The following TMEM116 variants were observed in gnomAD, a reference collection of about 807,000 sequenced individuals.
TMEM116 encodes transmembrane protein 116.
TMEM116 carries 38 observed loss-of-function variants against 44.3 expected under a neutral mutation model. The ratio of observed to expected loss-of-function variants is 0.86; its 90% CI spans 0.66 to 1.12. The LOEUF (loss-of-function observed/expected upper bound fraction) is 1.12, where lower values mean the gene tolerates loss of function less well. Ranked by LOEUF, TMEM116 falls within the 50% of genes most tolerant of loss-of-function variation. The probability of loss-of-function intolerance (pLI) is 0.00; values close to 1 mark genes in which losing one functional copy is unlikely to be tolerated. For synonymous variants in TMEM116, 132 were observed against 144.8 expected, an observed-to-expected ratio of 0.91 and a Z score of 0.64; for missense variants, 354 against 401.7, an observed-to-expected ratio of 0.88 and a Z score of 1.01.
At chr12:111,978,793 A>C (rs1428606293) in intron 4 of TMEM116, 1 of 437,762 alleles carries the variant, frequency 2.3e-6, no homozygotes, top group African/African-American at 2.0e-5. Context: ...CAGAACTGTA[A>C]GAAATAAATG....
At chr12:111,968,047 T>C (rs956369657) in intron 4 of TMEM116, among the ~76,000 whole-genome samples, 7 of 150,874 alleles carry the variant, frequency 4.6e-5, no homozygotes, top group African/African-American at 1.5e-4. Context: ...TAGAATTCAT[T>C]GGAAAGGGTG....
intron 4 of TMEM116, among the ~76,000 whole-genome samples, chr12:111,977,444 C>T (rs1432755548): frequency 6.6e-6 from 1 of 152,116 alleles, no homozygotes; most frequent in East Asian, 1.9e-4. Flanking sequence ...GAATTGTACA[C>T]TTTAAAACGG....
intron 9 of TMEM116, 181 bp from the exon 10 acceptor site, chr12:111,932,840 T>C (rs1295525717): frequency 1.7e-6 from 1 of 593,226 alleles, no homozygotes; most frequent in Non-Finnish European, 3.0e-6. Flanking sequence ...TCTTTACTGA[T>C]GAAACTTTGT....
chr12:111,995,686 C>T (rs1333077465), intron 3 of TMEM116, among the ~76,000 whole-genome samples: 2 of 151,808 alleles, frequency 1.3e-5, no homozygotes, highest in African/African-American at 2.4e-5. Context: ...TGCAGTGAGC[C>T]GAGATCATGC....
chr12:111,971,538 CAA>C (rs1006939203), intron 4 of TMEM116, among the ~76,000 whole-genome samples: 5 of 146,534 alleles, frequency 3.4e-5, no homozygotes, highest in Non-Finnish European at 7.5e-5. Flanking sequence ...AATAAGCCAA[CAA>C]AAAAGACAAT....
chr12:111,940,892 G>T (rs2072757029), intron 5 of TMEM116, among the ~76,000 whole-genome samples: 1 of 152,060 alleles, frequency 6.6e-6, no homozygotes, highest in South Asian at 2.1e-4. Context: ...TTGAGTGAAT[G>T]AATGAATAAA....
At chr12:111,942,507 C>T (rs1304259586) in intron 5 of TMEM116, among the ~76,000 whole-genome samples, 3 of 151,910 alleles carry the variant, frequency 2.0e-5, no homozygotes, top group Non-Finnish European at 4.4e-5. Context: ...CTCCTGACCT[C>T]GTGATCTGCC....
intron 4 of TMEM116, among the ~76,000 whole-genome samples, chr12:111,980,766 A>G (rs939073706): frequency 2.0e-5 from 3 of 152,170 alleles, no homozygotes; most frequent in Admixed American, 2.0e-4. Flanking sequence ...CTAGCACGAT[A>G]TTTACATAGA....
intron 4 of TMEM116, among the ~76,000 whole-genome samples, chr12:111,969,727 G>A (rs1219565619): frequency 2.6e-5 from 4 of 152,132 alleles, no homozygotes; most frequent in African/African-American, 4.8e-5. Flanking sequence ...ACAAGTGCCC[G>A]CCACTGCGCC....
At chr12:112,008,601 T>C (rs78615456) in intron 1 of TMEM116, among the ~76,000 whole-genome samples, 8,398 of 152,254 alleles carry the variant, frequency 0.055, 304 homozygotes, top group Middle Eastern at 0.16. Context: ...CATGAGCAAG[T>C]TACTCAAAGT....
intron 4 of TMEM116, among the ~76,000 whole-genome samples, chr12:111,964,401 C>G (rs990960140): frequency 1.4e-5 from 2 of 143,268 alleles, no homozygotes; most frequent in African/African-American, 5.2e-5. Flanking sequence ...GAGATCACAC[C>G]AATGCACTCC....
At chr12:111,980,987 T>C (rs781570430) in intron 4 of TMEM116, among the ~76,000 whole-genome samples, 8 of 151,454 alleles carry the variant, frequency 5.3e-5, no homozygotes, top group Non-Finnish European at 1.0e-4. Flanking sequence ...AGTGGTAGGA[T>C]CACTTGAGCC....
intron 4 of TMEM116, among the ~76,000 whole-genome samples, chr12:111,968,843 A>C (rs1424594007): frequency 1.3e-4 from 19 of 151,508 alleles, no homozygotes; most frequent in Admixed American, 1.2e-3. Context: ...AAATTCAAAA[A>C]TTAGCCGGGG....
At chr12:111,981,456 T>C (rs920192119) in intron 4 of TMEM116, among the ~76,000 whole-genome samples, 4 of 152,232 alleles carry the variant, frequency 2.6e-5, no homozygotes, top group African/African-American at 7.2e-5. Flanking sequence ...GGGATCAATA[T>C]GGACCTTATT....
intron 3 of TMEM116, among the ~76,000 whole-genome samples, chr12:111,998,587 G>T (rs2077054675): frequency 1.3e-5 from 2 of 152,208 alleles, no homozygotes. Context: ...GGGAGGCCGA[G>T]GCGAGCAGAT....
In TMEM116 at chr12:111,998,979, T is replaced by C. The variant is rs139630544; in HGVS notation, c.78+4821A>G. On this transcript the variant is annotated intron_variant, in intron 3 of 10. Coordinates refer to ENST00000552374, the MANE Select transcript of TMEM116 (RefSeq NM_001193531.2). ...ACAGGAGATAAAGTTCAATCAATTA[T>C]ACAACAAAAATTAACTGAGTACCTA... Among the ~76,000 whole-genome samples, 373 of 152,240 alleles carry C rather than the reference T, an allele frequency of 2.5e-3. 1 individual carries two copies. Among genetic ancestry groups the C allele is most frequent in the Non-Finnish European group, 4.3e-3 (293 of 68,006 alleles).
At chr12:112,000,607 G>GAC (rs2077198822) in intron 3 of TMEM116, 4 of 348,402 alleles carry the variant, frequency 1.1e-5, no homozygotes, top group Non-Finnish European at 2.3e-5. Context: ...GCTTACTGCA[G>GAC]TCTTACTTAC....
At chr12:111,952,333 T>TCTA (rs2073793989) in intron 4 of TMEM116, among the ~76,000 whole-genome samples, 1 of 152,198 alleles carries the variant, frequency 6.6e-6, no homozygotes, top group Admixed American at 6.5e-5. Flanking sequence ...AAGATTGCTA[T>TCTA]CTACTAGCTG....
At chr12:111,966,082 G>A (rs1222057245) in intron 4 of TMEM116, among the ~76,000 whole-genome samples, 3 of 152,192 alleles carry the variant, frequency 2.0e-5, no homozygotes, top group Non-Finnish European at 4.4e-5. Context: ...TGAGGCGGCT[G>A]ATCACCTGAG....
Sources: allele counts gnomAD v4.1 joint callset (sites outside exome capture counted in the v4.1 genomes callset), GRCh38; gene constraint gnomAD v4.1.1; transcripts MANE v1.5; gene names NCBI Gene and HGNC (gene_info 2026-07-23, HGNC 2026-07-21).